The following OVCH1 variants were observed in gnomAD, a reference collection of about 807,000 sequenced individuals.
OVCH1 encodes the protein ovochymase 1.
Under a neutral mutation model 138.4 loss-of-function variants are expected in OVCH1, and 139 were observed. The observed-to-expected ratio is 1.00, with a 90% CI of 0.87 to 1.16. The LOEUF (loss-of-function observed/expected upper bound fraction) is 1.16. OVCH1 is among the 50% of genes most tolerant of loss of function. The probability of loss-of-function intolerance (pLI) is 0.00; values close to 1 mark genes in which losing one functional copy is unlikely to be tolerated. For missense variants in OVCH1, 1,367 were observed against 1,357.9 expected, an observed-to-expected ratio of 1.01 and a Z score of -0.11; for synonymous variants, 453 against 467.8, an observed-to-expected ratio of 0.97 and a Z score of 0.41.
At chr12:29,409,301 A>G (rs891062409), downstream of OVCH1, among the ~76,000 whole-genome samples, 12 of 151,734 alleles carry the variant, frequency 7.9e-5, no homozygotes, top group East Asian at 3.9e-4. Flanking sequence ...TTGTGTTTCT[A>G]TTTCCTTCAG....
At chr12:29,464,928 C>G (rs942928950) in intron 17 of OVCH1, among the ~76,000 whole-genome samples, 7 of 152,106 alleles carry the variant, frequency 4.6e-5, no homozygotes, top group African/African-American at 1.7e-4. Context: ...CTTTGAAAAC[C>G]TGTGTCCATG....
intron 18 of OVCH1, among the ~76,000 whole-genome samples, chr12:29,463,444 G>A (rs1942205878): frequency 6.6e-6 from 1 of 152,122 alleles, no homozygotes; most frequent in African/African-American, 2.4e-5. Context: ...AAGAAGAAAG[G>A]CCACGGTATC....
Position 29,416,102 on chromosome 12 carries a change from G to C in OVCH1, c.*72-3377C>G, listed in dbSNP as rs188307671. ...GCAAAAAAAAAAGGAAAAAGGAAAG[G>C]ATAGAGAGAAAAAGAGAGAAAGGAA... On this transcript the variant is annotated intron_variant and NMD_transcript_variant, in intron 3 of 4. Transcript: ENST00000539117. Among the ~76,000 whole-genome samples, 839 of 151,748 alleles carry C rather than the reference G, an allele frequency of 5.5e-3. 4 individuals carry two copies. Among genetic ancestry groups the C allele is most frequent in the African/African-American group, 0.019 (802 of 41,448 alleles).
rs772792160 is a variant in OVCH1, at chr12:29,496,512, T to C, written c.183+44A>G. ...TTGCTTTCGAAACAAAGGAAATATT[T>C]CACTGTTTTCTCATTAAGAAATCAA... On this transcript the variant is annotated intron_variant, in intron 2 of 27. Transcript: ENST00000318184. The C allele has an allele frequency of 1.8e-5, 26 of 1,474,454 alleles. No individual in the cohort carries two copies. The Admixed American group carries it at 3.3e-4, about 19-fold the overall frequency. 91.3% of individuals were successfully genotyped at this position (1,474,454 alleles called of 1,614,324 possible). A position where few individuals can be genotyped will look rare whatever the true frequency, so the allele number is the denominator to read the frequency against.
rs934440715 is a variant in OVCH1 at position 29,497,139 on chromosome 12, C to T, written c.65-465G>A. Among the ~76,000 whole-genome samples the T allele has an allele frequency of 4.0e-4, 61 of 152,046 alleles. 2 individuals carry two copies. Among genetic ancestry groups the T allele is most frequent in the East Asian group, 3.9e-4 (2 of 5,180 alleles). On this transcript the variant is annotated intron_variant, in intron 1 of 27. Transcript: ENST00000318184. ...TAAAAATTAGCCAAGTGTGGTGGTACGTGCCTATGGTCCCAGCTACTCAGG... is the reference window on the plus strand; with the variant it reads ...TAAAAATTAGCCAAGTGTGGTGGTATGTGCCTATGGTCCCAGCTACTCAGG...
At chr12:29,486,147 T>A in intron 8 of OVCH1, 103 bp downstream of exon 8, 1 of 1,166,920 alleles carries the variant, frequency 8.6e-7, no homozygotes, top group Middle Eastern at 2.1e-4. Flanking sequence ...ATTCAAAAAT[T>A]TAAATAAAAC....
chr12:29,481,449 A>G (rs932979086), intron 8 of OVCH1, among the ~76,000 whole-genome samples: 1 of 152,126 alleles, frequency 6.6e-6, no homozygotes, highest in Non-Finnish European at 1.5e-5. Context: ...TAGTCCCTAT[A>G]AACTATTTAT....
intron 27 of OVCH1, among the ~76,000 whole-genome samples, chr12:29,431,069 T>G (rs1941259179): frequency 6.6e-6 from 1 of 152,232 alleles, no homozygotes; most frequent in African/African-American, 2.4e-5. Flanking sequence ...ATAACATATT[T>G]CTTTATTCTG....
chr12:29,439,168 A>T (rs1941421529), intron 26 of OVCH1, among the ~76,000 whole-genome samples: 1 of 149,598 alleles, frequency 6.7e-6, no homozygotes, highest in African/African-American at 2.4e-5. Flanking sequence ...TCCCCAATAT[A>T]TTCACCTTCC....
chr12:29,473,187 A>G lies in OVCH1; in HGVS notation c.1601-84T>C, dbSNP rs2136014206. ...ACTTGCTTACCCTGGTAAATCATAAAACTACTCTACTGTAGATCTCACTAA... is the reference window on the plus strand; with the variant it reads ...ACTTGCTTACCCTGGTAAATCATAAGACTACTCTACTGTAGATCTCACTAA... On this transcript the variant is annotated intron_variant, in intron 14 of 27. Coordinates refer to ENST00000318184, the Ensembl canonical transcript of OVCH1. 4 of 898,382 alleles carry G rather than the reference A, an allele frequency of 4.5e-6. No homozygotes were observed. The East Asian group carries it at 8.0e-5, about 18-fold the overall frequency. 55.7% of individuals were successfully genotyped at this position (898,382 alleles called of 1,614,324 possible). A position where few individuals can be genotyped will look rare whatever the true frequency, so the allele number is the denominator to read the frequency against.
intron 27 of OVCH1, among the ~76,000 whole-genome samples, chr12:29,430,205 A>ATAT (rs1339464246): frequency 2.0e-5 from 3 of 152,158 alleles, no homozygotes; most frequent in African/African-American, 7.2e-5. Context: ...TGCCATAGTA[A>ATAT]TATTTCACTT....
At chr12:29,483,796 A>G (rs1259082481) in intron 8 of OVCH1, among the ~76,000 whole-genome samples, 1 of 152,170 alleles carries the variant, frequency 6.6e-6, no homozygotes, top group Non-Finnish European at 1.5e-5. Flanking sequence ...AGACCTCATG[A>G]GCTATAAAAT....
At chr12:29,452,335 G>A (rs1235890993) in intron 21 of OVCH1, among the ~76,000 whole-genome samples, 2 of 152,146 alleles carry the variant, frequency 1.3e-5, no homozygotes, top group African/African-American at 2.4e-5. Context: ...ATTCACAGTA[G>A]AGGTGAAAAG....
chr12:29,450,834 C>A (rs1362322313), intron 22 of OVCH1, among the ~76,000 whole-genome samples: 1 of 151,712 alleles, frequency 6.6e-6, no homozygotes, highest in African/African-American at 2.4e-5. Flanking sequence ...TACTATACAG[C>A]CATAAAAAAG....
chr12:29,495,289 C>T, exon 4 of OVCH1: 1 of 1,608,682 alleles, frequency 6.2e-7, no homozygotes, highest in Non-Finnish European at 8.5e-7. Flanking sequence ...ACTCACCAAA[C>T]TTGACTTTGT....
intron 3 of OVCH1, among the ~76,000 whole-genome samples, chr12:29,417,460 CAAAAA>C (rs759067203): frequency 4.9e-4 from 30 of 60,742 alleles, no homozygotes; most frequent in African/African-American, 1.5e-4. Context: ...CACTCCGTCT[CAAAAA>C]AAAAAAAAAA....
At chr12:29,436,043 G>T (rs1014376870) in intron 26 of OVCH1, among the ~76,000 whole-genome samples, 1 of 151,914 alleles carries the variant, frequency 6.6e-6, no homozygotes, top group Admixed American at 6.6e-5. Flanking sequence ...GAATTATATA[G>T]TTCATCCTGA....
intron 27 of OVCH1, among the ~76,000 whole-genome samples, chr12:29,431,893 C>G (rs775353807): frequency 6.6e-6 from 1 of 152,186 alleles, no homozygotes; most frequent in Non-Finnish European, 1.5e-5. Context: ...CAGGAGGATT[C>G]GCCTAAGCAA....
intron 22 of OVCH1, among the ~76,000 whole-genome samples, chr12:29,447,187 G>T (rs1454797398): frequency 6.6e-6 from 1 of 152,010 alleles, no homozygotes; most frequent in Non-Finnish European, 1.5e-5. Context: ...AAAACAAGCT[G>T]GGTACAGTAG....
Sources: allele counts gnomAD v4.1 joint callset (sites outside exome capture counted in the v4.1 genomes callset), GRCh38; gene constraint gnomAD v4.1.1; transcripts MANE v1.5; gene names NCBI Gene and HGNC (gene_info 2026-07-23, HGNC 2026-07-21).